Variants in ADGRB3 observed in about 807,000 individuals in gnomAD.
ADGRB3 encodes adhesion G protein-coupled receptor B3, also known as brain-specific angiogenesis inhibitor 3.
Under a neutral mutation model 193.4 loss-of-function variants are expected in ADGRB3, and 37 were observed. The observed-to-expected ratio is 0.19, with a 90% CI of 0.15 to 0.25. The LOEUF (loss-of-function observed/expected upper bound fraction) is 0.25, where lower values mean the gene tolerates loss of function less well. Ranked by LOEUF, ADGRB3 falls within the 10% of genes least tolerant of loss-of-function variation. ADGRB3 has a pLI of 1.00. For missense variants in ADGRB3, 1,637 were observed against 1,852.9 expected (o/e 0.88, Z 2.14); for synonymous variants, 690 against 644.2 (o/e 1.07, Z -1.08).
intron 3 of ADGRB3, among the ~76,000 whole-genome samples, chr6:68,774,947 A>AC (rs1328667464): frequency 3.3e-5 from 5 of 152,048 alleles, no homozygotes; most frequent in African/African-American, 1.2e-4. Flanking sequence ...AGGTTTTGGA[A>AC]GGAGGAGTTC....
intron 17 of ADGRB3, among the ~76,000 whole-genome samples, chr6:69,210,170 AAAGGGGAGTT>A (rs1561953598): frequency 2.4e-4 from 31 of 131,638 alleles, no homozygotes; most frequent in African/African-American, 2.7e-4. Flanking sequence ...ATATATATAT[AAAGGGGAGTT>A]TATTAAATAT....
chr6:68,995,973 A>T (rs771616323), intron 11 of ADGRB3, among the ~76,000 whole-genome samples: 1 of 152,144 alleles, frequency 6.6e-6, no homozygotes, highest in African/African-American at 2.4e-5. Flanking sequence ...TCTTTACTTG[A>T]TTATAAACTC....
At chr6:69,070,627 A>T (rs1452006688) in intron 16 of ADGRB3, among the ~76,000 whole-genome samples, 1 of 152,198 alleles carries the variant, frequency 6.6e-6, no homozygotes, top group African/African-American at 2.4e-5. Context: ...GATGTGAAAA[A>T]AAATTATGGA....
intron 3 of ADGRB3, among the ~76,000 whole-genome samples, chr6:68,803,444 T>C (rs1358838977): frequency 6.6e-6 from 1 of 152,150 alleles, no homozygotes; most frequent in African/African-American, 2.4e-5. Context: ...TATAATCTAC[T>C]CAGTGGAATT....
intron 3 of ADGRB3, among the ~76,000 whole-genome samples, chr6:68,694,431 A>T (rs1765124268): frequency 6.6e-6 from 1 of 151,950 alleles, no homozygotes; most frequent in Admixed American, 6.6e-5. Context: ...ACTGAGATTT[A>T]TCGAAGTTTG....
intron 17 of ADGRB3, among the ~76,000 whole-genome samples, chr6:69,079,318 A>G (rs1327627601): frequency 6.6e-6 from 1 of 152,014 alleles, no homozygotes; most frequent in Non-Finnish European, 1.5e-5. Context: ...CTTATTGTAA[A>G]TCGGAGAATA....
rs569336075 is a variant in ADGRB3, at chr6:68,709,034, G to A, written c.757+69602G>A. On this transcript the variant is annotated intron_variant, in intron 3 of 31. Transcript: ENST00000370598. ...TTTAGTAAGGATTTGTTTAAAATGC[G>A]GGTTGTTCTACTTTAAAGCTCAATG... Among the ~76,000 whole-genome samples, 18 of 152,128 alleles carry A rather than the reference G, an allele frequency of 1.2e-4. No individual in the cohort carries two copies. The East Asian group carries it at 1.7e-3, about 15-fold the overall frequency.
chr6:69,200,140 AC>A (rs997726833), intron 17 of ADGRB3, among the ~76,000 whole-genome samples: 1 of 151,968 alleles, frequency 6.6e-6, no homozygotes, highest in African/African-American at 2.4e-5. Flanking sequence ...TAAAAAAAAA[AC>A]AGAGAAAACT....
intron 17 of ADGRB3, among the ~76,000 whole-genome samples, chr6:69,229,274 T>C (rs1766084870): frequency 6.6e-6 from 1 of 152,166 alleles, no homozygotes; most frequent in African/African-American, 2.4e-5. Flanking sequence ...ATGAGAATAA[T>C]TTATACCAAA....
At chr6:69,378,314 A>G (rs1769873294) in intron 30 of ADGRB3, among the ~76,000 whole-genome samples, 2 of 152,092 alleles carry the variant, frequency 1.3e-5, no homozygotes, top group African/African-American at 2.4e-5. Flanking sequence ...ACATAATTAC[A>G]AACCTGAATA....
intron 3 of ADGRB3, among the ~76,000 whole-genome samples, chr6:68,750,691 A>G (rs1380475383): frequency 6.6e-6 from 1 of 152,068 alleles, no homozygotes; most frequent in Non-Finnish European, 1.5e-5. Flanking sequence ...TTTGAAACCT[A>G]CCATTGGCCA....
rs553135178 is a variant in ADGRB3 at position 68,687,733 on chromosome 6, A to G, written c.757+48301A>G. Among the ~76,000 whole-genome samples the G allele has an allele frequency of 7.9e-5, 12 of 152,304 alleles. No individual in the cohort carries two copies. In the South Asian group the frequency reaches 2.3e-3, roughly 29 times the overall value. ...TCACCTTTCAGAGGAAAAAAACAGA[A>G]ATGTAACTCACACAGATAAATGTAC... On this transcript the variant is annotated intron_variant, in intron 3 of 31. Coordinates refer to ENST00000370598, the MANE Select transcript of ADGRB3 (RefSeq NM_001704.3).
intron 26 of ADGRB3, among the ~76,000 whole-genome samples, chr6:69,340,153 A>C (rs1768945138): frequency 6.6e-6 from 1 of 152,164 alleles, no homozygotes; most frequent in Non-Finnish European, 1.5e-5. Flanking sequence ...ATTTCTCTGG[A>C]TCATGATTGA....
At chr6:68,704,204 G>T (rs1347721339) in intron 3 of ADGRB3, among the ~76,000 whole-genome samples, 1 of 152,156 alleles carries the variant, frequency 6.6e-6, no homozygotes, top group Non-Finnish European at 1.5e-5. Flanking sequence ...GGACTATTGA[G>T]CAAAGCATGA....
chr6:69,167,733 C>G (rs1049457141), intron 17 of ADGRB3, among the ~76,000 whole-genome samples: 3 of 152,164 alleles, frequency 2.0e-5, no homozygotes, highest in Admixed American at 2.0e-4. Flanking sequence ...CCCCAGAGTT[C>G]TCCTGCCCTC....
intron 18 of ADGRB3, among the ~76,000 whole-genome samples, chr6:69,233,859 T>C (rs1766205238): frequency 6.6e-6 from 1 of 152,200 alleles, no homozygotes; most frequent in Non-Finnish European, 1.5e-5. Flanking sequence ...GGAAGTGTCC[T>C]TGGATGTAAA....
chr6:68,924,969 C>G (rs1049964831), intron 3 of ADGRB3, among the ~76,000 whole-genome samples: 1 of 151,232 alleles, frequency 6.6e-6, no homozygotes, highest in Non-Finnish European at 1.5e-5. Flanking sequence ...GTTTTCTTCC[C>G]TCATCTATTG....
At chr6:69,084,631 C>T (rs1421509521) in intron 17 of ADGRB3, among the ~76,000 whole-genome samples, 1 of 152,050 alleles carries the variant, frequency 6.6e-6, no homozygotes, top group Non-Finnish European at 1.5e-5. Flanking sequence ...TAGGGGCTTT[C>T]AGTTTGTCAG....
At chr6:69,077,976 C>T (rs1444967471) in intron 17 of ADGRB3, among the ~76,000 whole-genome samples, 1 of 151,930 alleles carries the variant, frequency 6.6e-6, no homozygotes, top group Non-Finnish European at 1.5e-5. Flanking sequence ...AAGGTTAAGG[C>T]AACTTTATTT....
Sources: allele counts gnomAD v4.1 joint callset (sites outside exome capture counted in the v4.1 genomes callset), GRCh38; gene constraint gnomAD v4.1.1; transcripts MANE v1.5; gene names NCBI Gene and HGNC (gene_info 2026-07-23, HGNC 2026-07-21).